The following TENM2 variants were observed in gnomAD, a reference collection of about 807,000 sequenced individuals.
TENM2 encodes teneurin-2.
Under a neutral mutation model 245.2 loss-of-function variants are expected in TENM2, and 52 were observed. The observed-to-expected ratio is 0.21, with a 90% CI of 0.17 to 0.27. The LOEUF is 0.27. Ranked by LOEUF, TENM2 falls within the 10% of genes least tolerant of loss-of-function variation. TENM2 has a pLI of 1.00. For synonymous variants in TENM2, 1,363 were observed against 1,438.9 expected (o/e 0.95, Z 1.19); for missense variants, 3,046 against 3,666.8 (o/e 0.83, Z 4.37).
chr5:167,214,644 T>A, the TENM2 span, among the ~76,000 whole-genome samples: 2 of 152,200 alleles, frequency 1.3e-5, no homozygotes, highest in Admixed American at 6.5e-5. Context: ...GGGCTTCCAA[T>A]TAAGTAGAGT....
intron 2 of TENM2, chr5:167,653,265 T>C (rs1234356611): frequency 1.3e-5 from 2 of 152,162 alleles, no homozygotes; most frequent in African/African-American, 4.8e-5. Flanking sequence ...TTTCTTTTTC[T>C]TTTTCTTAGA....
intron 2 of TENM2, among the ~76,000 whole-genome samples, chr5:167,466,852 C>T (rs1437652358): frequency 2.0e-5 from 3 of 152,100 alleles, no homozygotes; most frequent in Non-Finnish European, 2.9e-5. Flanking sequence ...TCCCCACGTA[C>T]TAATACTGTG....
At chr5:168,075,340 T>C (rs1325240198) in intron 7 of TENM2, among the ~76,000 whole-genome samples, 1 of 152,236 alleles carries the variant, frequency 6.6e-6, no homozygotes, top group Non-Finnish European at 1.5e-5. Flanking sequence ...TGTTGATTGA[T>C]GGGGATTTGG....
Position 168,247,007 on chromosome 5 carries a change from G to A in TENM2, c.6068G>A (p.Gly2023Glu). Residue 2023 changes from glycine (G) to glutamate (E), a missense_variant, in exon 27 of 29, where the codon GGG becomes GAG. Physicochemically the swap from Gly to Glu is moderately conservative, Grantham distance 98. Around this residue, in one of 2 missense-constraint regions of TENM2, gnomAD observed 2,704 missense variants for 3,331.9 expected, o/e 0.81. Coordinates refer to ENST00000518659, the Ensembl canonical transcript of TENM2. This position sits in a 1 kb window ranked among gnomAD's most constrained non-coding sequence, Gnocchi z 7.8. ...GGACGCCAGGTGTTCTACAAGTATG[G>A]GAAACTCTCCAAGTTATCAGAGATT... 2 of 1,613,910 alleles carry A rather than the reference G, an allele frequency of 1.2e-6. No homozygotes were observed. Among genetic ancestry groups the A allele is most frequent in the Non-Finnish European group, 1.7e-6 (2 of 1,179,896 alleles).
At chr5:167,460,599 A>G (rs1383042006) in intron 2 of TENM2, among the ~76,000 whole-genome samples, 1 of 119,340 alleles carries the variant, frequency 8.4e-6, no homozygotes, top group Non-Finnish European at 1.7e-5. Context: ...TAATGGCAAA[A>G]CGTCTTTTTT....
chr5:167,471,605 T>C (rs901410370), intron 2 of TENM2, among the ~76,000 whole-genome samples: 1 of 152,218 alleles, frequency 6.6e-6, no homozygotes, highest in Non-Finnish European at 1.5e-5. Context: ...TATTTCAAGA[T>C]AGTTGTCATC....
intron 2 of TENM2, among the ~76,000 whole-genome samples, chr5:167,580,558 T>G (rs1028451405): frequency 1.3e-5 from 2 of 152,216 alleles, no homozygotes; most frequent in Non-Finnish European, 2.9e-5. Flanking sequence ...ACAAGGAGGC[T>G]GAAATGGTGA....
At chr5:167,002,425 AG>A in the TENM2 span, among the ~76,000 whole-genome samples, 3 of 152,192 alleles carry the variant, frequency 2.0e-5, no homozygotes, top group African/African-American at 7.2e-5. Flanking sequence ...CAAAGATAAA[AG>A]TCTCATCTTG....
chr5:168,235,942 G>C (rs1192034050), intron 25 of TENM2, among the ~76,000 whole-genome samples: 2 of 152,194 alleles, frequency 1.3e-5, no homozygotes, highest in Non-Finnish European at 2.9e-5. Context: ...GAGTAGGTAG[G>C]AATTTCCCAG....
intron 2 of TENM2, among the ~76,000 whole-genome samples, chr5:167,820,140 C>T (rs1274951004): frequency 1.3e-5 from 2 of 152,022 alleles, no homozygotes; most frequent in Non-Finnish European, 2.9e-5. Flanking sequence ...GGCTCATTTG[C>T]TGTGGTGGCC....
chr5:166,989,760 T>C, the TENM2 span, among the ~76,000 whole-genome samples: 1 of 151,018 alleles, frequency 6.6e-6, no homozygotes, highest in Non-Finnish European at 1.5e-5. Context: ...AGGGGATGGA[T>C]AGTAAGTGTG....
chr5:167,918,096 G>T (rs767694519), intron 3 of TENM2, among the ~76,000 whole-genome samples: 28 of 152,168 alleles, frequency 1.8e-4, no homozygotes, highest in Non-Finnish European at 4.0e-4. Flanking sequence ...AAACAACAGT[G>T]AGAAAAAAAC....
chr5:167,470,372 C>T (rs1766933311), intron 2 of TENM2, among the ~76,000 whole-genome samples: 2 of 147,396 alleles, frequency 1.4e-5, no homozygotes, highest in African/African-American at 2.5e-5. Flanking sequence ...CATCATTTTA[C>T]TTCCTAATAT....
chr5:168,057,414 G>C (rs1789643300), intron 6 of TENM2, among the ~76,000 whole-genome samples: 1 of 151,974 alleles, frequency 6.6e-6, no homozygotes, highest in African/African-American at 2.4e-5. Flanking sequence ...AGGCTAATAA[G>C]GAATGCCATT....
chr5:167,791,423 A>AT lies in TENM2; in HGVS notation c.503-84563_503-84562insT, dbSNP rs906970905. On this transcript the variant is annotated intron_variant, in intron 2 of 28. Coordinates refer to ENST00000518659, the Ensembl canonical transcript of TENM2. The stretch of plus-strand genomic sequence containing the variant: ...AAATTCTCATAGATATGAAATATAT[A>AT]ATATATTATATATTTATATATAATA... 4.2e-4 allele frequency among the ~76,000 whole-genome samples: 58 copies of AT among 137,322 alleles called. No homozygotes were observed. In the South Asian group the frequency reaches 0.012, roughly 29 times the overall value. The allele number at this position is 137,322 out of a possible 152,430, so 90.1% of individuals were successfully genotyped here.
chr5:167,617,659 C>T (rs1777875484), intron 2 of TENM2, among the ~76,000 whole-genome samples: 1 of 152,058 alleles, frequency 6.6e-6, no homozygotes, highest in African/African-American at 2.4e-5. Context: ...CTCTAATATC[C>T]CCTAGTAGAG....
chr5:167,845,614 G>A (rs895797065), intron 2 of TENM2, among the ~76,000 whole-genome samples: 4 of 152,088 alleles, frequency 2.6e-5, no homozygotes, highest in Admixed American at 6.6e-5. Flanking sequence ...GGAATAGTGG[G>A]GGGAATATGT....
intron 1 of TENM2, among the ~76,000 whole-genome samples, chr5:167,304,316 C>T (rs1418857047): frequency 6.6e-6 from 1 of 152,226 alleles, no homozygotes; most frequent in Non-Finnish European, 1.5e-5. Context: ...TTGGCTTTCC[C>T]TTTCCTTGTC....
At chr5:167,986,775 A>G (rs897687078) in intron 4 of TENM2, among the ~76,000 whole-genome samples, 1 of 152,178 alleles carries the variant, frequency 6.6e-6, no homozygotes, top group Non-Finnish European at 1.5e-5. Context: ...TCATCTGAAC[A>G]CACTGAGCAG....
Sources: allele counts gnomAD v4.1 joint callset (sites outside exome capture counted in the v4.1 genomes callset), GRCh38; gene constraint gnomAD v4.1.1; regional missense constraint gnomAD v4.1.1; non-coding constraint Gnocchi (gnomAD v3.1); transcripts MANE v1.5; gene names NCBI Gene and HGNC (gene_info 2026-07-23, HGNC 2026-07-21).